Variants in BTK observed in about 807,000 individuals in gnomAD.
The protein encoded by BTK is Bruton tyrosine kinase.
Under a neutral mutation model 57.4 loss-of-function variants are expected in BTK, and 5 were observed. The ratio of observed to expected loss-of-function variants is 0.09; its 90% CI spans 0.05 to 0.18. The LOEUF (loss-of-function observed/expected upper bound fraction) is 0.18, where lower values mean the gene tolerates loss of function less well. BTK is among the 10% of genes least tolerant of loss of function. The pLI, the probability that BTK is intolerant of heterozygous loss-of-function variation, is 1.00. For synonymous variants in BTK, 154 were observed against 174.3 expected, an observed-to-expected ratio of 0.88 and a Z score of 0.92; for missense variants, 194 against 501.2, an observed-to-expected ratio of 0.39 and a Z score of 5.85.
intron 5 of BTK, among the ~76,000 whole-genome samples, chrX:101,367,697 TA>T (rs1365501753): frequency 9.0e-6 from 1 of 110,999 alleles, no homozygotes; most frequent in Non-Finnish European, 1.9e-5. Context: ...TTTGTTGGAC[TA>T]AACTATGACT....
intron 7 of BTK, among the ~76,000 whole-genome samples, chrX:101,361,680 C>G (rs113616367): frequency 9.0e-6 from 1 of 110,960 alleles, no homozygotes; most frequent in African/African-American, 3.3e-5. Flanking sequence ...TTTAGGAGGC[C>G]GAGGCGGGTT....
chrX:101,377,152 T>C (rs914952679), intron 1 of BTK, among the ~76,000 whole-genome samples: 4 of 111,700 alleles, frequency 3.6e-5, no homozygotes, highest in Non-Finnish European at 1.9e-5. Context: ...CTGGTTTAAA[T>C]GGTCTCTCAC....
At chrX:101,372,595 C>T (rs782270607) in intron 3 of BTK, among the ~76,000 whole-genome samples, 3 of 108,079 alleles carry the variant, frequency 2.8e-5, no homozygotes, top group East Asian at 3.0e-4. Flanking sequence ...ATTACAGGCT[C>T]GCGCCACCAT....
At chrX:101,364,600 A>G (rs1254413973) in intron 5 of BTK, among the ~76,000 whole-genome samples, 3 of 108,221 alleles carry the variant, frequency 2.8e-5, no homozygotes, top group African/African-American at 1.0e-4. Flanking sequence ...TTTTCTCCAC[A>G]TAGATTTGAA....
upstream of BTK, chrX:101,390,657 G>A: frequency 2.1e-6 from 1 of 482,952 alleles, no homozygotes; most frequent in Admixed American, 2.8e-5. Flanking sequence ...AATGGAACGT[G>A]GAGGTGGAGG....
At chrX:101,366,203 C>T (rs1926844803) in intron 5 of BTK, among the ~76,000 whole-genome samples, 1 of 111,086 alleles carries the variant, frequency 9.0e-6, no homozygotes, top group African/African-American at 3.3e-5. Context: ...ACGCAGGAGG[C>T]AGAGTTTGCA....
chrX:101,360,990 C>T (rs1443968739), intron 7 of BTK, among the ~76,000 whole-genome samples: 12 of 111,116 alleles, frequency 1.1e-4, no homozygotes, highest in African/African-American at 3.6e-4. Flanking sequence ...CCAAGGCGGG[C>T]GGATCAGTTG....
intron 1 of BTK, among the ~76,000 whole-genome samples, chrX:101,378,759 A>G (rs1218921364): frequency 2.7e-5 from 3 of 111,995 alleles, no homozygotes; most frequent in East Asian, 5.6e-4. Flanking sequence ...AAGCTTATTA[A>G]CAAGAGTGCA....
chrX:101,355,886 T>C, intron 15 of BTK, 166 bp downstream of exon 15: 1 of 543,521 alleles, frequency 1.8e-6, no homozygotes, highest in South Asian at 2.5e-5. Context: ...TGGAGATATT[T>C]GATGGGCTCA....
chrX:101,376,083 T>G (rs924858568), intron 1 of BTK, among the ~76,000 whole-genome samples: 1 of 111,257 alleles, frequency 9.0e-6, no homozygotes, highest in Non-Finnish European at 1.9e-5. Context: ...CTGATATAGA[T>G]GCCACCTCTG....
intron 16 of BTK, chrX:101,354,318 G>A (rs1223444135): frequency 5.4e-5 from 22 of 405,245 alleles, no homozygotes; most frequent in Admixed American, 4.4e-5. Context: ...GAATTAGACT[G>A]ATTAAGAAAG....
intron 1 of BTK, among the ~76,000 whole-genome samples, chrX:101,382,001 C>A (rs1244886534): frequency 5.0e-5 from 5 of 99,869 alleles, no homozygotes; most frequent in Non-Finnish European, 1.0e-4. Context: ...CACTGCACTC[C>A]AGCCTGGGTG....
chrX:101,373,579 C>T lies in BTK; in HGVS notation c.240+957G>A, dbSNP rs782226365. On this transcript the variant is annotated intron_variant, in intron 3 of 18. Transcript: ENST00000308731. ...TATATGACATATATATAAGTGTATG[C>T]GTATGTGTTCTCAGTGAAGAAAAAC... is the stretch of plus-strand genomic sequence containing the variant. Among the ~76,000 whole-genome samples the T allele has an allele frequency of 7.1e-5, 8 of 111,995 alleles. No individual in the cohort carries two copies. In the South Asian group the frequency reaches 2.2e-3, roughly 31 times the overall value.
At chrX:101,388,798 G>T (rs1199425790), upstream of BTK, among the ~76,000 whole-genome samples, 1 of 111,904 alleles carries the variant, frequency 8.9e-6, no homozygotes, top group Non-Finnish European at 1.9e-5. Flanking sequence ...TTCCAGAAAA[G>T]CCAAGGTGAC....
chrX:101,353,439 G>C, intron 17 of BTK, 88 bp from the exon 18 acceptor site: 1 of 971,412 alleles, frequency 1.0e-6, no homozygotes, highest in African/African-American at 1.9e-5. Context: ...TCAAAGATTA[G>C]AATCAGTTGG....
At chrX:101,358,281 C>T (rs2147429733) in intron 12 of BTK, 29 bp downstream of exon 12, 1 of 1,211,329 alleles carries the variant, frequency 8.3e-7, no homozygotes, top group African/African-American at 1.7e-5. Flanking sequence ...GTGTCTGTAA[C>T]TCCCTTCTCA....
upstream of BTK, among the ~76,000 whole-genome samples, chrX:101,389,692 T>C (rs782400370): frequency 3.8e-4 from 42 of 111,493 alleles, no homozygotes; most frequent in Non-Finnish European, 6.8e-4. Context: ...TCCTCTACAC[T>C]GCAGATGCCC....
At position 101,353,932 on chromosome X, in the gene BTK, C is replaced by T. The variant is rs1555977474; in HGVS notation, c.1688G>A (p.Trp563Ter). The T allele has an allele frequency of 8.3e-7, 1 of 1,211,721 alleles. No individual in the cohort carries two copies. The highest frequency in any genetic ancestry group is 1.8e-5 in the South Asian group (1 of 57,012). ...ATACATCAGGACTTCCGGTGGGGAC[C>T]ACCGGACTGGAAATTTGGAGCCTAC... is the stretch of plus-strand genomic sequence containing the variant. ...SSVGSKFPVRWSPPEVLMYSK... is the reference protein window; with the variant it reads ...SSVGSKFPVR Residue 563 changes from tryptophan to a stop codon, truncating the protein, a stop_gained, in exon 17 of 19, where the codon TGG becomes TAG. Transcript: ENST00000308731. LOFTEE classifies it high-confidence loss of function.
chrX:101,364,866 C>T (rs2238989), intron 5 of BTK, among the ~76,000 whole-genome samples: 10,549 of 110,348 alleles, frequency 0.096, 438 homozygotes, highest in African/African-American at 0.13. Context: ...CTCAGCCTCC[C>T]GAGTAGCTGG....
Sources: allele counts gnomAD v4.1 joint callset (sites outside exome capture counted in the v4.1 genomes callset), GRCh38; gene constraint gnomAD v4.1.1; transcripts MANE v1.5; gene names NCBI Gene and HGNC (gene_info 2026-07-23, HGNC 2026-07-21).